Variants in FILIP1L observed in about 807,000 individuals in gnomAD.
FILIP1L encodes filamin A-interacting protein 1-like.
In FILIP1L, 55 loss-of-function variants were observed where a neutral mutation model predicts 96.6. The observed-to-expected ratio is 0.57, with a 90% CI of 0.46 to 0.71. FILIP1L has a LOEUF of 0.71. Among genes scored for constraint, FILIP1L ranks in the 30% least tolerant of loss-of-function variants. The probability of loss-of-function intolerance (pLI) is 0.00; values close to 1 mark genes in which losing one functional copy is unlikely to be tolerated. For synonymous variants in FILIP1L, 467 were observed against 473.9 expected, an observed-to-expected ratio of 0.99 and a Z score of 0.19; for missense variants, 1,304 against 1,321.2, an observed-to-expected ratio of 0.99 and a Z score of 0.20.
At chr3:100,110,438 T>A (rs1274798440) in intron 1 of FILIP1L, among the ~76,000 whole-genome samples, 1 of 152,134 alleles carries the variant, frequency 6.6e-6, no homozygotes, top group African/African-American at 2.4e-5. Flanking sequence ...TCCAATTTCC[T>A]AGTCAAGTGA....
At chr3:99,881,336 T>C (rs910678164) in intron 4 of FILIP1L, among the ~76,000 whole-genome samples, 1 of 152,190 alleles carries the variant, frequency 6.6e-6, no homozygotes, top group African/African-American at 2.4e-5. Context: ...TGGTAACTAA[T>C]AATAGTTTTG....
intron 3 of FILIP1L, among the ~76,000 whole-genome samples, chr3:99,929,354 T>C (rs1385561683): frequency 2.0e-5 from 3 of 152,254 alleles, no homozygotes; most frequent in South Asian, 4.1e-4. Flanking sequence ...ATCTAAAATA[T>C]ATGTTTTTAA....
chr3:100,008,064 A>G (rs1265245072), intron 1 of FILIP1L, among the ~76,000 whole-genome samples: 1 of 152,228 alleles, frequency 6.6e-6, no homozygotes, highest in Non-Finnish European at 1.5e-5. Context: ...CCAAGTTGAC[A>G]TAACATTTTC....
chr3:100,029,017 A>G (rs2064977186), intron 1 of FILIP1L, among the ~76,000 whole-genome samples: 1 of 151,934 alleles, frequency 6.6e-6, no homozygotes. Flanking sequence ...CAATTCAATT[A>G]TTTTTCTTTA....
intron 1 of FILIP1L, among the ~76,000 whole-genome samples, chr3:99,959,964 C>A (rs765544483): frequency 2.0e-5 from 3 of 152,078 alleles, no homozygotes; most frequent in Non-Finnish European, 4.4e-5. Flanking sequence ...CTGTCACTTG[C>A]AGAAAAAAAG....
At chr3:99,853,903 C>A (rs1191895971) in intron 4 of FILIP1L, among the ~76,000 whole-genome samples, 1 of 152,088 alleles carries the variant, frequency 6.6e-6, no homozygotes, top group Non-Finnish European at 1.5e-5. Flanking sequence ...GAGCTCAGGA[C>A]AAGGAACCAG....
At chr3:100,074,396 T>G (rs2065813200) in intron 1 of FILIP1L, among the ~76,000 whole-genome samples, 1 of 152,220 alleles carries the variant, frequency 6.6e-6, no homozygotes, top group Non-Finnish European at 1.5e-5. Context: ...TATTAACTTG[T>G]TCTTTGAAAT....
At chr3:99,862,278 G>A (rs1198946195) in intron 4 of FILIP1L, among the ~76,000 whole-genome samples, 1 of 152,140 alleles carries the variant, frequency 6.6e-6, no homozygotes, top group African/African-American at 2.4e-5. Flanking sequence ...AAGTAGGACA[G>A]TGAGACAACA....
At chr3:99,879,286 C>CAT (rs1286173281) in intron 4 of FILIP1L, among the ~76,000 whole-genome samples, 1 of 152,130 alleles carries the variant, frequency 6.6e-6, no homozygotes, top group Non-Finnish European at 1.5e-5. Flanking sequence ...TAGATTTAGC[C>CAT]ATATTATATT....
chr3:100,045,115 AGATGT>A (rs2065258815), intron 1 of FILIP1L, among the ~76,000 whole-genome samples: 1 of 152,212 alleles, frequency 6.6e-6, no homozygotes, highest in Non-Finnish European at 1.5e-5. Flanking sequence ...CGCTCACAAG[AGATGT>A]AGGCTAGAAA....
chr3:100,039,170 A>G (rs2065159836), intron 1 of FILIP1L, among the ~76,000 whole-genome samples: 1 of 152,236 alleles, frequency 6.6e-6, no homozygotes, highest in Non-Finnish European at 1.5e-5. Context: ...ACACAGAGAC[A>G]TTCCCAGACC....
intron 1 of FILIP1L, among the ~76,000 whole-genome samples, chr3:100,101,164 TA>T (rs373933333): frequency 1.6e-4 from 24 of 152,280 alleles, no homozygotes; most frequent in East Asian, 9.6e-4. Flanking sequence ...TGAGTGGTAG[TA>T]ACCAGTTACT....
At chr3:99,924,550 C>T in intron 3 of FILIP1L, 142 bp from the exon 4 acceptor site, 1 of 819,840 alleles carries the variant, frequency 1.2e-6, no homozygotes. Context: ...ACAGTTTTCG[C>T]TGTCGTTGCC....
intron 1 of FILIP1L, among the ~76,000 whole-genome samples, chr3:100,003,470 G>C: frequency 6.6e-6 from 1 of 152,176 alleles, no homozygotes; most frequent in East Asian, 1.9e-4. Context: ...TATGATAGAT[G>C]CGTTCACATG....
chr3:99,969,289 A>T (rs562982770), intron 1 of FILIP1L, among the ~76,000 whole-genome samples: 3 of 152,332 alleles, frequency 2.0e-5, no homozygotes, highest in South Asian at 4.1e-4. Context: ...GCAGAGAAGG[A>T]TGTAGCCTTG....
At chr3:99,916,437 TACACACACACACACACACAC>T (rs10529210) in intron 4 of FILIP1L, among the ~76,000 whole-genome samples, 11 of 137,180 alleles carry the variant, frequency 8.0e-5, no homozygotes, top group East Asian at 4.4e-4. Context: ...TAACGGTTTA[TACACACACACACACACACAC>T]ACACACACAC....
At chr3:99,936,369 C>CTTTT (rs548149257) in intron 1 of FILIP1L, among the ~76,000 whole-genome samples, 132 of 86,370 alleles carry the variant, frequency 1.5e-3, no homozygotes, top group African/African-American at 2.1e-3. Flanking sequence ...AGCTTGAAGC[C>CTTTT]TTTTTTTTTT....
At chr3:99,983,734 A>T (rs139317062) in intron 1 of FILIP1L, among the ~76,000 whole-genome samples, 200 of 151,118 alleles carry the variant, frequency 1.3e-3, no homozygotes, top group Non-Finnish European at 2.4e-3. Flanking sequence ...ATTTACCTAG[A>T]ATCTCTGTTT....
intron 1 of FILIP1L, among the ~76,000 whole-genome samples, chr3:100,071,272 C>G (rs1236972616): frequency 6.6e-6 from 1 of 152,074 alleles, no homozygotes; most frequent in Non-Finnish European, 1.5e-5. Context: ...GAATTTGCTA[C>G]ATAACTAGCT....
Sources: gnomAD v4.1 joint callset for allele counts (sites outside exome capture counted in the v4.1 genomes callset) on GRCh38, gnomAD v4.1.1 for gene constraint, MANE v1.5 for transcripts, NCBI Gene and HGNC (gene_info 2026-07-23, HGNC 2026-07-21) for gene names.